Variants in ASTN2 observed in about 807,000 individuals in gnomAD.
ASTN2 encodes the protein astrotactin 2.
A neutral mutation model predicts 139.8 loss-of-function variants in ASTN2; 54 were observed. The observed-to-expected ratio is 0.39, with a 90% CI of 0.31 to 0.48. ASTN2 has a LOEUF of 0.48. ASTN2 is among the 20% of genes least tolerant of loss of function. The pLI is 0.95. For synonymous variants in ASTN2, 756 were observed against 719.5 expected (o/e 1.05, Z -0.81); for missense variants, 1,565 against 1,725.1 (o/e 0.91, Z 1.64).
chr9:117,379,775 T>C (rs1297769545), intron 1 of ASTN2, among the ~76,000 whole-genome samples: 1 of 152,184 alleles, frequency 6.6e-6, no homozygotes. Flanking sequence ...AGTTCCATAA[T>C]TGTTCTCTCA....
At chr9:116,452,402 G>A (rs1359294674) in intron 20 of ASTN2, among the ~76,000 whole-genome samples, 1 of 152,192 alleles carries the variant, frequency 6.6e-6, no homozygotes, top group Non-Finnish European at 1.5e-5. Context: ...ATGTGGCTTT[G>A]GTGGGATTGT....
intron 1 of ASTN2, among the ~76,000 whole-genome samples, chr9:117,295,534 A>C (rs1232248440): frequency 6.6e-6 from 1 of 152,018 alleles, no homozygotes; most frequent in African/African-American, 2.4e-5. Flanking sequence ...AGTTACATAC[A>C]TATATGTATA....
chr9:117,005,250 A>T (rs1271547833), intron 7 of ASTN2, among the ~76,000 whole-genome samples: 2 of 142,508 alleles, frequency 1.4e-5, no homozygotes, highest in Non-Finnish European at 3.0e-5. Flanking sequence ...AAGCCCAGCT[A>T]TTTTTTTTTT....
rs1393307635 is a variant in ASTN2, at chr9:116,975,220, G to A, written c.1877C>T (p.Pro626Leu). The A allele has an allele frequency of 6.2e-7, 1 of 1,611,296 alleles. No homozygotes were observed. Residue 626 changes from proline to leucine, a missense_variant, in exon 10 of 23, where the codon CCT (proline) becomes CTT (leucine). Transcript: ENST00000313400. ...CKTDVLVTEDPADVREEAMLS... is the reference protein window; with the variant it reads ...CKTDVLVTEDLADVREEAMLS... ...GATGATTCCCTACCTGACATCTGCAGGGTCTTCCGTGACGAGCACATCGGT... is the reference window on the plus strand; with the variant it reads ...GATGATTCCCTACCTGACATCTGCAAGGTCTTCCGTGACGAGCACATCGGT...
intron 13 of ASTN2, among the ~76,000 whole-genome samples, chr9:116,734,621 T>C (rs1828876759): frequency 6.6e-6 from 1 of 152,076 alleles, no homozygotes; most frequent in Non-Finnish European, 1.5e-5. Context: ...GGAAGATGTT[T>C]ATTACTTCAT....
chr9:117,221,048 G>A (rs565717900), intron 2 of ASTN2, among the ~76,000 whole-genome samples: 1 of 152,256 alleles, frequency 6.6e-6, no homozygotes, highest in South Asian at 2.1e-4. Context: ...GCCCAGGGAA[G>A]GTGCTTAATA....
At position 117,273,881 on chromosome 9, in the gene ASTN2, G is replaced by A. The variant is rs111264251; in HGVS notation, c.630+17445C>T. Among the ~76,000 whole-genome samples the A allele has an allele frequency of 4.3e-3, 653 of 152,306 alleles. 6 individuals are homozygous for A. The highest frequency in any genetic ancestry group is 0.015 in the African/African-American group (626 of 41,554). On this transcript the variant is annotated intron_variant, in intron 2 of 22. Coordinates refer to ENST00000313400, the MANE Select transcript of ASTN2 (RefSeq NM_001365068.1). ...ATTGACCTCCTGGTGCAGAAATGAT[G>A]ACACAGATGTTGTTGCTATGTCACA...
intron 17 of ASTN2, among the ~76,000 whole-genome samples, chr9:116,649,826 GGCCCAC>G (rs1857808788): frequency 1.3e-5 from 2 of 152,154 alleles, no homozygotes; most frequent in African/African-American, 4.8e-5. Flanking sequence ...ATCACCTCAT[GGCCCAC>G]AGGATAGGGT....
chr9:116,733,252 A>T (rs1828835450), intron 14 of ASTN2, 147 bp downstream of exon 14: 1 of 1,115,074 alleles, frequency 9.0e-7, no homozygotes, highest in Non-Finnish European at 1.3e-6. Flanking sequence ...AGCCCAAGAA[A>T]GGGTAAGTTC....
At chr9:116,961,497 C>A (rs1484121762) in intron 10 of ASTN2, among the ~76,000 whole-genome samples, 2 of 152,164 alleles carry the variant, frequency 1.3e-5, no homozygotes, top group African/African-American at 4.8e-5. Context: ...TGGCTTATTT[C>A]CCTTAGCATA....
Position 116,728,988 on chromosome 9 carries a change from T to A in ASTN2, c.2626+4A>T. ...CCCCTGGCTGCCCAGGCAGTGGTCC[T>A]CACCTGCTGCGAGGGTGATGGTGCT... On this transcript the variant is annotated splice_donor_region_variant and intron_variant, in intron 15 of 22. Transcript: ENST00000313400. 6.3e-7 allele frequency: 1 copy of A among 1,578,082 alleles called. No individual in the cohort carries two copies. Among genetic ancestry groups the A allele is most frequent in the Non-Finnish European group, 8.6e-7 (1 of 1,160,706 alleles).
intron 3 of ASTN2, among the ~76,000 whole-genome samples, chr9:117,198,406 C>G (rs1396629375): frequency 1.3e-5 from 2 of 151,878 alleles, no homozygotes; most frequent in Non-Finnish European, 2.9e-5. Context: ...ATATGTACCA[C>G]ATTTTCTTTT....
At chr9:117,009,341 TATA>T (rs924128043) in intron 6 of ASTN2, among the ~76,000 whole-genome samples, 36 of 152,272 alleles carry the variant, frequency 2.4e-4, no homozygotes, top group Middle Eastern at 3.4e-3. Context: ...CATATAAATG[TATA>T]ATAATAATCT....
intron 11 of ASTN2, among the ~76,000 whole-genome samples, chr9:116,829,932 A>G (rs947324530): frequency 2.0e-5 from 3 of 152,356 alleles, no homozygotes. Context: ...AAGAAAACCT[A>G]GAAAACACCA....
chr9:117,180,870 A>C, intron 3 of ASTN2: 1 of 1,577,644 alleles, frequency 6.3e-7, no homozygotes. Flanking sequence ...GGTGGCCAGG[A>C]AACTTGAACT....
At chr9:116,612,717 G>A (rs1004364908) in intron 19 of ASTN2, 1 of 152,110 alleles carries the variant, frequency 6.6e-6, no homozygotes, top group Non-Finnish European at 1.5e-5. Context: ...CACATTTAAA[G>A]CAGTGTGTAG....
At chr9:117,254,168 C>G (rs1469789948) in intron 2 of ASTN2, among the ~76,000 whole-genome samples, 1 of 151,984 alleles carries the variant, frequency 6.6e-6, no homozygotes, top group Non-Finnish European at 1.5e-5. Context: ...ATAATAGGTA[C>G]CATAGAATGA....
At chr9:117,346,154 G>C (rs1035464441) in intron 1 of ASTN2, among the ~76,000 whole-genome samples, 3 of 152,074 alleles carry the variant, frequency 2.0e-5, no homozygotes, top group African/African-American at 7.2e-5. Context: ...GTAAAGATGA[G>C]ACTCACTTGT....
rs778990579 is a variant in ASTN2 at position 117,008,236 on chromosome 9, C to T, written c.1447G>A (p.Gly483Arg). 6.2e-7 allele frequency: 1 copy of T among 1,604,916 alleles called. No individual in the cohort carries two copies. Among genetic ancestry groups the T allele is most frequent in the Non-Finnish European group, 8.5e-7 (1 of 1,175,824 alleles). ...ADGSSFVVSE[G>R]SYLDISDWLN... is the part of the protein sequence containing the mutation. ...CAGTCGGAGATGTCCAGGTAGCTCC[C>T]TTCACTCACCACGAAGCTGCTTCCT... Residue 483 changes from glycine to arginine, a missense_variant, in exon 7 of 23, where the codon GGG (glycine) becomes AGG (arginine). By Grantham distance (125) the Gly-to-Arg change is moderately radical. Around this residue, in one of 4 missense-constraint regions of ASTN2, gnomAD observed 503 missense variants for 591.7 expected, o/e 0.85. Coordinates refer to ENST00000313400, the MANE Select transcript of ASTN2 (RefSeq NM_001365068.1).
Sources: gnomAD v4.1 joint callset for allele counts (sites outside exome capture counted in the v4.1 genomes callset) on GRCh38, gnomAD v4.1.1 for gene constraint, gnomAD v4.1.1 regional missense constraint, MANE v1.5 for transcripts, NCBI Gene and HGNC (gene_info 2026-07-23, HGNC 2026-07-21) for gene names.